PPAT: variants seen among roughly 807,000 people sequenced by gnomAD.
PPAT encodes the protein phosphoribosyl pyrophosphate amidotransferase, also known as amidophosphoribosyltransferase.
Under a neutral mutation model 60.2 loss-of-function variants are expected in PPAT, and 20 were observed. That is an observed-to-expected ratio of 0.33 (90% CI 0.23 to 0.48). PPAT has a LOEUF of 0.48. Ranked by LOEUF, PPAT falls within the 20% of genes least tolerant of loss-of-function variation. The pLI is 0.99. For missense variants in PPAT, 349 were observed against 629.6 expected (o/e 0.55, Z 4.77); for synonymous variants, 194 against 215.1 (o/e 0.90, Z 0.86).
rs878923141 is a variant in PPAT, at chr4:56,402,848, A to G, written c.661+192T>C. ...AAAAAAAAAAAAAAAAAAAAAAAAA[A>G]GGGGGGGGACTCATCCTCAGGAGTA... On this transcript the variant is annotated intron_variant, in intron 5 of 10. Coordinates refer to ENST00000264220, the MANE Select transcript of PPAT (RefSeq NM_002703.5). 3.8e-3 allele frequency among the ~76,000 whole-genome samples: 286 copies of G among 75,816 alleles called. 1 individual carries two copies. Among genetic ancestry groups the G allele is most frequent in the East Asian group, 0.023 (39 of 1,684 alleles). 49.7% of individuals were successfully genotyped at this position (75,816 alleles called of 152,430 possible). A position where few individuals can be genotyped will look rare whatever the true frequency, so the allele number is the denominator to read the frequency against.
chr4:56,410,754 G>C (rs1227194001), intron 1 of PPAT: 1 of 987,042 alleles, frequency 1.0e-6, no homozygotes, highest in East Asian at 1.1e-4. Flanking sequence ...CATAACTCTG[G>C]AGACAGCTCT....
chr4:56,431,240 G>A (rs922320503), intron 1 of PPAT, among the ~76,000 whole-genome samples: 1 of 152,094 alleles, frequency 6.6e-6, no homozygotes, highest in Non-Finnish European at 1.5e-5. Flanking sequence ...TCAAAATTAA[G>A]TAAGATATTC....
At chr4:56,435,222 C>A (rs911545955) in intron 1 of PPAT, 128 bp downstream of exon 1, 6 of 1,369,098 alleles carry the variant, frequency 4.4e-6, no homozygotes, top group African/African-American at 2.9e-5. Context: ...ACGCCACAGG[C>A]AGGTACTGGC....
intron 3 of PPAT, chr4:56,404,030 C>T (rs1183743719): frequency 4.4e-6 from 2 of 451,766 alleles, no homozygotes; most frequent in East Asian, 7.0e-5. Flanking sequence ...CAGACTGGTA[C>T]TAGTCCCTAG....
chr4:56,426,716 A>C (rs1483370082), intron 1 of PPAT, among the ~76,000 whole-genome samples: 1 of 152,156 alleles, frequency 6.6e-6, no homozygotes, highest in Admixed American at 6.5e-5. Flanking sequence ...GGCTCCTATG[A>C]ATACTGTTGC....
chr4:56,402,851 G>A (rs1242657482), intron 5 of PPAT, among the ~76,000 whole-genome samples, 189 bp downstream of exon 5: 3 of 116,042 alleles, frequency 2.6e-5, no homozygotes, highest in Non-Finnish European at 5.2e-5. Flanking sequence ...AAAAAAAAGG[G>A]GGGGGACTCA....
chr4:56,430,716 G>A (rs1417260427), intron 1 of PPAT, among the ~76,000 whole-genome samples: 1 of 149,910 alleles, frequency 6.7e-6, no homozygotes, highest in Non-Finnish European at 1.5e-5. Context: ...AGGTTAAACT[G>A]CTAAGGGTTA....
chr4:56,410,024 A>G (rs1447838442), intron 1 of PPAT, among the ~76,000 whole-genome samples: 1 of 152,202 alleles, frequency 6.6e-6, no homozygotes, highest in Non-Finnish European at 1.5e-5. Flanking sequence ...TATATACCAT[A>G]TGGGACTAAA....
chr4:56,401,134 A>T (rs544826383), intron 7 of PPAT, among the ~76,000 whole-genome samples, 196 bp downstream of exon 7: 1 of 152,340 alleles, frequency 6.6e-6, no homozygotes, highest in Admixed American at 6.5e-5. Context: ...CCTTACTCCT[A>T]ACAAAAAACA....
chr4:56,421,200 T>C (rs1717021683), intron 1 of PPAT: 1 of 153,272 alleles, frequency 6.5e-6, no homozygotes, highest in Non-Finnish European at 1.5e-5. Flanking sequence ...GGATCTAGGT[T>C]GTGTGCTCCT....
chr4:56,420,050 T>A (rs1044259077), intron 1 of PPAT: 1 of 964,966 alleles, frequency 1.0e-6, no homozygotes. Flanking sequence ...ACCAGACAGG[T>A]AGGAAGGTGA....
chr4:56,430,364 T>A (rs7437329), intron 1 of PPAT, among the ~76,000 whole-genome samples: 55,599 of 151,824 alleles, frequency 0.37, 10,662 homozygotes, highest in Non-Finnish European at 0.44. Context: ...GCTATTATTA[T>A]ACCCAATGTA....
chr4:56,404,085 T>C (rs1375690907), intron 3 of PPAT: 1 of 423,452 alleles, frequency 2.4e-6, no homozygotes, highest in East Asian at 7.1e-5. Context: ...TATATACTAA[T>C]AACGGATGAC....
intron 1 of PPAT, among the ~76,000 whole-genome samples, chr4:56,416,958 T>C (rs1213986609): frequency 1.3e-5 from 2 of 152,200 alleles, no homozygotes; most frequent in African/African-American, 4.8e-5. Flanking sequence ...CAAGCAATTC[T>C]CCTGCCTCAG....
At position 56,403,407 on chromosome 4, in the gene PPAT, T is replaced by C. The variant is rs371478563; in HGVS notation, c.403-6A>G. 67 of 1,594,432 alleles carry C rather than the reference T, an allele frequency of 4.2e-5. No individual in the cohort carries two copies. The highest frequency in any genetic ancestry group is 1.6e-4 in the African/African-American group (12 of 73,192). On this transcript the variant is annotated splice_polypyrimidine_tract_variant and splice_region_variant and intron_variant, in intron 3 of 10. Transcript: ENST00000264220. ...CCAATACCATGACGCAGAAGCTATA[T>C]AGAAAAAAAGAGAAGTTTAATCATC...
At position 56,407,405 on chromosome 4, in the gene PPAT, G is replaced by A. The variant is rs112557195; in HGVS notation, c.195+245C>T. Among the ~76,000 whole-genome samples, 14,465 of 151,108 alleles carry A rather than the reference G, an allele frequency of 0.096. 827 individuals are homozygous for A. Among genetic ancestry groups the A allele is most frequent in the East Asian group, 0.25 (1,275 of 5,124 alleles). On this transcript the variant is annotated intron_variant, in intron 2 of 10. Transcript: ENST00000264220. ...GCAATATCAGCTCACCACAACCTCC[G>A]CCTCCCAGGTTCAAACGATTCTCTT...
chr4:56,431,199 A>G (rs963855223), intron 1 of PPAT, among the ~76,000 whole-genome samples: 48 of 152,330 alleles, frequency 3.2e-4, no homozygotes, highest in Admixed American at 2.0e-3. Flanking sequence ...GGAATGTTAC[A>G]TATTTGATCA....
intron 1 of PPAT, chr4:56,431,461 C>A (rs1161833339): frequency 2.1e-6 from 2 of 975,278 alleles, no homozygotes; most frequent in Non-Finnish European, 1.2e-6. Context: ...CTCCTGAGAT[C>A]ATTACAAATC....
intron 3 of PPAT, among the ~76,000 whole-genome samples, chr4:56,403,707 A>G (rs2110039496): frequency 6.6e-6 from 1 of 152,324 alleles, no homozygotes; most frequent in Middle Eastern, 3.4e-3. Context: ...ACAACTCACC[A>G]TAATCTAGAA....
Sources: allele counts gnomAD v4.1 joint callset (sites outside exome capture counted in the v4.1 genomes callset), GRCh38; gene constraint gnomAD v4.1.1; transcripts MANE v1.5; gene names NCBI Gene and HGNC (gene_info 2026-07-23, HGNC 2026-07-21).